The following ZDHHC6 variants were observed in gnomAD, a reference collection of about 807,000 sequenced individuals.
ZDHHC6 encodes palmitoyltransferase ZDHHC6.
A neutral mutation model predicts 57.8 loss-of-function variants in ZDHHC6; 32 were observed. That is an observed-to-expected ratio of 0.55 (90% confidence interval 0.42 to 0.74). The LOEUF (loss-of-function observed/expected upper bound fraction) is 0.74. Among genes scored for constraint, ZDHHC6 ranks in the 30% least tolerant of loss-of-function variants. The pLI is 0.00. For missense variants in ZDHHC6, 433 were observed against 500.7 expected (o/e 0.86, Z 1.29); for synonymous variants, 128 against 158.0 (o/e 0.81, Z 1.42).
chr10:112,430,034 C>T (rs1844895433), downstream of ZDHHC6, among the ~76,000 whole-genome samples: 1 of 152,204 alleles, frequency 6.6e-6, no homozygotes, highest in Non-Finnish European at 1.5e-5. Context: ...GGGTCCGCAG[C>T]CACGGCTGGA....
chr10:112,434,538 C>G, intron 6 of ZDHHC6, 74 bp from the exon 7 acceptor site: 1 of 1,370,758 alleles, frequency 7.3e-7, no homozygotes, highest in Non-Finnish European at 9.8e-7. Context: ...ATTGAGAACA[C>G]TTATTTCTCA....
downstream of ZDHHC6, chr10:112,426,955 T>C (rs1844748861): frequency 8.6e-7 from 1 of 1,160,464 alleles, no homozygotes; most frequent in Non-Finnish European, 1.3e-6. Context: ...TTCTAAGGAA[T>C]TGATTTTAGA....
downstream of ZDHHC6, among the ~76,000 whole-genome samples, chr10:112,429,090 A>G (rs1022213769): frequency 1.3e-5 from 2 of 152,236 alleles, no homozygotes; most frequent in Admixed American, 1.3e-4. Flanking sequence ...CTGGCCTCCA[A>G]CTGGAGTTAA....
intron 8 of ZDHHC6, among the ~76,000 whole-genome samples, chr10:112,432,994 A>T (rs563994945): frequency 1.8e-4 from 28 of 152,332 alleles, no homozygotes; most frequent in Non-Finnish European, 3.4e-4. Flanking sequence ...CACATTAAGG[A>T]GCTGTATTGA....
chr10:112,447,241 G>A (rs1000033978), upstream of ZDHHC6: 6 of 910,994 alleles, frequency 6.6e-6, no homozygotes, highest in African/African-American at 3.3e-5. Flanking sequence ...GCTGGGTTGA[G>A]AGCTGTCCCC....
upstream of ZDHHC6, chr10:112,447,557 G>A: frequency 6.9e-7 from 1 of 1,443,246 alleles, no homozygotes; most frequent in Non-Finnish European, 9.5e-7. Flanking sequence ...GTGTCTATGA[G>A]GCGCGAGGCT....
At chr10:112,440,421 G>T in intron 5 of ZDHHC6, 113 bp downstream of exon 5, 1 of 1,201,170 alleles carries the variant, frequency 8.3e-7, no homozygotes, top group Non-Finnish European at 1.1e-6. Context: ...AATGAAATAA[G>T]CAAAAATAAT....
chr10:112,426,823 A>G (rs1446159721), downstream of ZDHHC6: 1 of 1,613,902 alleles, frequency 6.2e-7, no homozygotes, highest in Non-Finnish European at 8.5e-7. Flanking sequence ...ACTTGCAGAA[A>G]ATTGGGAAAG....
At chr10:112,439,637 A>G (rs921978883) in intron 5 of ZDHHC6, among the ~76,000 whole-genome samples, 6 of 74,674 alleles carry the variant, frequency 8.0e-5, no homozygotes, top group African/African-American at 2.4e-4. Context: ...CTAAAAAAAA[A>G]AAAAAAAAAA....
downstream of ZDHHC6, chr10:112,427,266 C>T (rs1020558428): frequency 4.3e-6 from 7 of 1,613,708 alleles, no homozygotes; most frequent in East Asian, 8.9e-5. Context: ...TGAAAATGGG[C>T]TCTTGACACC....
At chr10:112,434,227 T>A (rs903346035) in intron 7 of ZDHHC6, 70 bp downstream of exon 7, 1 of 1,417,122 alleles carries the variant, frequency 7.1e-7, no homozygotes, top group Non-Finnish European at 9.4e-7. Flanking sequence ...AAATGTCACT[T>A]GAGTTGAGGG....
intron 7 of ZDHHC6, among the ~76,000 whole-genome samples, chr10:112,433,973 G>GA (rs975896699): frequency 6.6e-6 from 1 of 152,068 alleles, no homozygotes; most frequent in African/African-American, 2.4e-5. Flanking sequence ...ATATAAGATG[G>GA]AAAAAATTGT....
At chr10:112,431,847 C>T in intron 10 of ZDHHC6, among the ~76,000 whole-genome samples, 1 of 152,104 alleles carries the variant, frequency 6.6e-6, no homozygotes, top group East Asian at 1.9e-4. Flanking sequence ...AATCTGGAGT[C>T]AGACTGCTTG....
exon 12 of ZDHHC6, chr10:112,425,287 A>C: frequency 6.5e-7 from 1 of 1,527,824 alleles, no homozygotes; most frequent in Non-Finnish European, 8.9e-7. Flanking sequence ...CTCCCCACTG[A>C]TATCATCTCT....
chr10:112,447,248 C>T (rs977202372), upstream of ZDHHC6: 7 of 994,690 alleles, frequency 7.0e-6, no homozygotes, highest in Middle Eastern at 3.3e-4. Context: ...TGAGAGCTGT[C>T]CCCGGTTCTC....
chr10:112,433,363 G>A, intron 7 of ZDHHC6, 82 bp from the exon 8 acceptor site: 1 of 1,171,852 alleles, frequency 8.5e-7, no homozygotes, highest in Non-Finnish European at 1.2e-6. Flanking sequence ...AACTGTCAGA[G>A]TGATATGGCA....
intron 4 of ZDHHC6, among the ~76,000 whole-genome samples, chr10:112,441,162 A>G (rs2133898613): frequency 6.6e-6 from 1 of 152,302 alleles, no homozygotes; most frequent in Non-Finnish European, 1.5e-5. Flanking sequence ...TTTAATTAAT[A>G]TAGTAATGAG....
At position 112,432,336 on chromosome 10, in the gene ZDHHC6, T is replaced by G. The variant is rs569429407; in HGVS notation, c.1091+40A>C. 297 of 1,609,766 alleles carry G rather than the reference T, an allele frequency of 1.8e-4. No individual in the cohort carries two copies. In the South Asian group the frequency reaches 2.2e-3, roughly 12 times the overall value. On this transcript the variant is annotated intron_variant, in intron 9 of 10. Coordinates refer to ENST00000369405, the MANE Select transcript of ZDHHC6 (RefSeq NM_022494.3). The stretch of plus-strand genomic sequence containing the variant: ...TAATTTTTTAGGCTAGATATTAATT[T>G]TGTCCTTGAAGAAGAAATGCAGTAC...
chr10:112,446,215 T>C (rs1045130434), intron 1 of ZDHHC6, among the ~76,000 whole-genome samples: 5 of 152,156 alleles, frequency 3.3e-5, no homozygotes, highest in Admixed American at 6.5e-5. Context: ...AACAGTCAAT[T>C]TGGCCCAAAA....
Sources: allele counts gnomAD v4.1 joint callset (sites outside exome capture counted in the v4.1 genomes callset), GRCh38; gene constraint gnomAD v4.1.1; transcripts MANE v1.5; gene names NCBI Gene and HGNC (gene_info 2026-07-23, HGNC 2026-07-21).